ANKRD34C: variants seen among roughly 807,000 people sequenced by gnomAD.
The protein encoded by ANKRD34C is ankyrin repeat domain-containing protein 34C.
For missense variants in ANKRD34C, 563 were observed against 653.0 expected (o/e 0.86, Z 1.50); for synonymous variants, 260 against 253.6 (o/e 1.03, Z -0.24).
At chr15:79,284,414 A>G (rs2058637769) in intron 1 of ANKRD34C, among the ~76,000 whole-genome samples, 1 of 152,228 alleles carries the variant, frequency 6.6e-6, no homozygotes, top group Non-Finnish European at 1.5e-5. Context: ...GATTTTAACT[A>G]TCTGTAAATA....
chr15:79,284,931 T>C (rs375345275), intron 1 of ANKRD34C, among the ~76,000 whole-genome samples: 13 of 152,342 alleles, frequency 8.5e-5, no homozygotes, highest in African/African-American at 3.1e-4. Context: ...TAAAGTGTAT[T>C]TAGACAAGTA....
intron 1 of ANKRD34C, among the ~76,000 whole-genome samples, chr15:79,284,547 A>G (rs2058638154): frequency 6.6e-6 from 1 of 152,156 alleles, no homozygotes; most frequent in Non-Finnish European, 1.5e-5. Flanking sequence ...GGAGCAGGTA[A>G]TTAGAAGAGA....
rs1021371616 is a variant in ANKRD34C at position 79,282,862 on chromosome 15, C to A, written c.-411C>A. ...GACCTGCACACCCGCAGCGCGGAAC[C>A]GGGGGCGATTCCTATCTTTCTTTCA... On this transcript the variant is annotated 5_prime_UTR_variant, in exon 1 of 2. Transcript: ENST00000421388. Among the ~76,000 whole-genome samples, 1 of 152,250 alleles carries A rather than the reference C, an allele frequency of 6.6e-6. No individual in the cohort carries two copies. The highest frequency in any genetic ancestry group is 2.4e-5 in the African/African-American group (1 of 41,476).
intron 1 of ANKRD34C, among the ~76,000 whole-genome samples, chr15:79,285,398 A>G (rs557035479): frequency 6.6e-6 from 1 of 152,332 alleles, no homozygotes; most frequent in East Asian, 1.9e-4. Context: ...GGGGAAATAA[A>G]GTGTATGACA....
In ANKRD34C at chr15:79,294,210, T is replaced by C; in HGVS notation, c.926T>C (p.Leu309Pro). ...AGTATCGATAGCAAAGACCCCACCC[T>C]CTTTCACACAGTCACAGAGCAGGTT... ...TNSIDSKDPT[L>P]FHTVTEQVLK... The change falls in exon 2 of 2, where the codon CTC becomes CCC. Residue 309 changes from leucine (L) to proline (P), a missense_variant. Physicochemically the swap from Leu to Pro is moderately conservative, Grantham distance 98 (BLOSUM62 -3). Coordinates refer to ENST00000421388, the MANE Select transcript of ANKRD34C (RefSeq NM_001146341.2). 1 of 1,551,458 alleles carries C rather than the reference T, an allele frequency of 6.4e-7. No individual in the cohort carries two copies. Among genetic ancestry groups the C allele is most frequent in the Non-Finnish European group, 8.7e-7 (1 of 1,146,910 alleles).
chr15:79,293,938 C>T lies in ANKRD34C; in HGVS notation c.654C>T (p.Ser218=). Residue 218 remains serine, a synonymous_variant, in exon 2 of 2, where the codon AGC becomes AGT. Transcript: ENST00000421388. ...TCAGCCTCCAAGCAGGGCATCCAAG[C>T]AGTTGTAACACCTCCAAGGCTGTTA... is the stretch of plus-strand genomic sequence containing the variant. ...DFFSLQAGHP[S]SCNTSKAVNE... The T allele has an allele frequency of 6.4e-7, 1 of 1,551,698 alleles. No homozygotes were observed. Among genetic ancestry groups the T allele is most frequent in the Middle Eastern group, 1.7e-4 (1 of 5,992 alleles).
At chr15:79,287,120 G>A (rs1275225765) in intron 1 of ANKRD34C, among the ~76,000 whole-genome samples, 1 of 151,998 alleles carries the variant, frequency 6.6e-6, no homozygotes, top group Non-Finnish European at 1.5e-5. Context: ...TTTTATATTT[G>A]TCTTCCATTC....
At chr15:79,290,595 C>A (rs538819454) in intron 1 of ANKRD34C, among the ~76,000 whole-genome samples, 5 of 152,262 alleles carry the variant, frequency 3.3e-5, no homozygotes, top group African/African-American at 1.2e-4. Flanking sequence ...ATGTGCCCTT[C>A]CTGGTAGGTA....
At chr15:79,285,800 G>A (rs998297028) in intron 1 of ANKRD34C, among the ~76,000 whole-genome samples, 7 of 152,068 alleles carry the variant, frequency 4.6e-5, no homozygotes, top group African/African-American at 7.2e-5. Context: ...GGGCTACATC[G>A]GCTGTCAGAC....
intron 1 of ANKRD34C, among the ~76,000 whole-genome samples, chr15:79,283,434 G>A (rs1363565800): frequency 6.6e-6 from 1 of 152,200 alleles, no homozygotes; most frequent in Non-Finnish European, 1.5e-5. Flanking sequence ...GATGAGATGC[G>A]TAGGGGCCTG....
chr15:79,286,970 A>C (rs774348582), intron 1 of ANKRD34C, among the ~76,000 whole-genome samples: 1 of 151,924 alleles, frequency 6.6e-6, no homozygotes, highest in Non-Finnish European at 1.5e-5. Context: ...ACTTGTACTT[A>C]CTCCTAAGTG....
rs1242525808 is a variant in ANKRD34C at position 79,296,755 on chromosome 15, A to G, written c.*1863A>G. The stretch of plus-strand genomic sequence containing the variant: ...CTCTGGCCTCCACTCACTAGATGGC[A>G]GTAACACCCTCTCCCCAGTTGTGAC... On this transcript the variant is annotated 3_prime_UTR_variant, in exon 2 of 2. Transcript: ENST00000421388. 6.0e-6 allele frequency: 1 copy of G among 167,280 alleles called. No individual in the cohort carries two copies. Among genetic ancestry groups the G allele is most frequent in the Non-Finnish European group, 1.5e-5 (1 of 68,170 alleles). 10.4% of individuals were successfully genotyped at this position (167,280 alleles called of 1,614,324 possible).
intron 1 of ANKRD34C, among the ~76,000 whole-genome samples, chr15:79,288,812 C>CTT (rs60075615): frequency 0.022 from 1,227 of 55,480 alleles, 3 homozygotes; most frequent in African/African-American, 0.031. Flanking sequence ...GCCCAGTATT[C>CTT]TTTTTTTTTT....
At chr15:79,292,134 T>C (rs1032381314) in intron 1 of ANKRD34C, among the ~76,000 whole-genome samples, 1 of 152,208 alleles carries the variant, frequency 6.6e-6, no homozygotes, top group African/African-American at 2.4e-5. Flanking sequence ...AACTCAGGCA[T>C]TGTGGCAGGT....
intron 1 of ANKRD34C, among the ~76,000 whole-genome samples, chr15:79,290,609 C>T (rs1329830999): frequency 2.0e-5 from 3 of 152,278 alleles, no homozygotes; most frequent in East Asian, 1.9e-4. Context: ...GTAGGTATTC[C>T]AGACTTCTTT....
chr15:79,286,231 G>A (rs1356912563), intron 1 of ANKRD34C, among the ~76,000 whole-genome samples: 4 of 151,674 alleles, frequency 2.6e-5, no homozygotes, highest in African/African-American at 9.7e-5. Flanking sequence ...GGGGTGGAGT[G>A]GGGGTGGGGG....
At chr15:79,289,112 G>T (rs1303321263) in intron 1 of ANKRD34C, among the ~76,000 whole-genome samples, 1 of 152,158 alleles carries the variant, frequency 6.6e-6, no homozygotes, top group Non-Finnish European at 1.5e-5. Context: ...GAGCCACCGT[G>T]CCTGGACAAG....
In ANKRD34C at chr15:79,289,475, A is replaced by G. The variant is rs151216122; in HGVS notation, c.-44-3766A>G. 1.7e-4 allele frequency among the ~76,000 whole-genome samples: 26 copies of G among 152,304 alleles called. No individual in the cohort carries two copies. In the East Asian group the frequency reaches 4.4e-3, roughly 26 times the overall value. On this transcript the variant is annotated intron_variant, in intron 1 of 1. Transcript: ENST00000421388. ...TGGGGACAAGACCTGAGCATAGGGG[A>G]GGAGGAGGCCGCTGATTCCAACTGA...
chr15:79,289,557 C>A (rs530332060), intron 1 of ANKRD34C, among the ~76,000 whole-genome samples: 2 of 152,302 alleles, frequency 1.3e-5, no homozygotes, highest in African/African-American at 4.8e-5. Flanking sequence ...TTCTTCTTTG[C>A]CTCCTTTCCT....
Sources: allele counts gnomAD v4.1 joint callset (sites outside exome capture counted in the v4.1 genomes callset), GRCh38; gene constraint gnomAD v4.1.1; transcripts MANE v1.5; gene names NCBI Gene and HGNC (gene_info 2026-07-23, HGNC 2026-07-21).